The following NTM variants were observed in gnomAD, a reference collection of about 807,000 sequenced individuals.
The protein encoded by NTM is IgLON family member 2.
Under a neutral mutation model 42.1 loss-of-function variants are expected in NTM, and 13 were observed. The ratio of observed to expected loss-of-function variants is 0.31; its 90% CI spans 0.20 to 0.49. NTM has a LOEUF of 0.49. Among genes scored for constraint, NTM ranks in the 20% least tolerant of loss-of-function variants. The probability of loss-of-function intolerance (pLI) is 0.99; values close to 1 mark genes in which losing one functional copy is unlikely to be tolerated. For synonymous variants in NTM, 187 were observed against 179.2 expected, an observed-to-expected ratio of 1.04 and a Z score of -0.35; for missense variants, 373 against 452.8, an observed-to-expected ratio of 0.82 and a Z score of 1.60.
chr11:132,103,263 T>G (rs1241601633), intron 2 of NTM, among the ~76,000 whole-genome samples: 1 of 152,220 alleles, frequency 6.6e-6, no homozygotes, highest in African/African-American at 2.4e-5. Context: ...AATCAGGCCC[T>G]TCTACCATCT....
chr11:131,641,211 G>A (rs2065088812), intron 1 of NTM, among the ~76,000 whole-genome samples: 1 of 152,212 alleles, frequency 6.6e-6, no homozygotes, highest in African/African-American at 2.4e-5. Context: ...GAGGAGTTCT[G>A]TAAAATGGCA....
chr11:131,869,346 G>A (rs551512319), intron 1 of NTM, among the ~76,000 whole-genome samples: 1 of 152,322 alleles, frequency 6.6e-6, no homozygotes, highest in Admixed American at 6.5e-5. Flanking sequence ...GGCCCTGCCA[G>A]TCATTGTGTG....
intron 1 of NTM, among the ~76,000 whole-genome samples, chr11:131,609,158 C>A (rs137874011): frequency 6.6e-6 from 1 of 152,196 alleles, no homozygotes. Flanking sequence ...GGGCCCTGCA[C>A]GGCTCTCTGC....
At chr11:132,103,728 C>T (rs1182629859) in intron 2 of NTM, among the ~76,000 whole-genome samples, 2 of 152,164 alleles carry the variant, frequency 1.3e-5, no homozygotes, top group African/African-American at 2.4e-5. Context: ...TCAACTGTAC[C>T]ACTGAGTGGC....
intron 1 of NTM, among the ~76,000 whole-genome samples, chr11:131,613,416 G>C (rs745584641): frequency 2.0e-5 from 3 of 152,090 alleles, no homozygotes; most frequent in Non-Finnish European, 4.4e-5. Context: ...TCTTCCAGCT[G>C]GTGCAATGAG....
intron 2 of NTM, among the ~76,000 whole-genome samples, chr11:131,921,860 G>A (rs535288941): frequency 6.6e-6 from 1 of 151,512 alleles, no homozygotes; most frequent in Admixed American, 6.6e-5. Context: ...CAGTTATCTC[G>A]ACCACCTGAG....
At chr11:132,116,936 G>T (rs992177844) in intron 2 of NTM, among the ~76,000 whole-genome samples, 3 of 152,214 alleles carry the variant, frequency 2.0e-5, no homozygotes, top group Non-Finnish European at 2.9e-5. Context: ...TCGAAGAAAA[G>T]TAAGGGGGAA....
At chr11:131,939,938 A>T (rs772311833) in intron 2 of NTM, among the ~76,000 whole-genome samples, 1 of 152,166 alleles carries the variant, frequency 6.6e-6, no homozygotes, top group Non-Finnish European at 1.5e-5. Flanking sequence ...GTTTGATTTG[A>T]GGAAACCTCA....
intron 1 of NTM, among the ~76,000 whole-genome samples, chr11:131,601,087 A>T (rs796554127): frequency 3.9e-5 from 6 of 152,296 alleles, no homozygotes; most frequent in African/African-American, 1.4e-4. Context: ...TCAGTATTCA[A>T]ATTCTCCTAT....
chr11:132,126,357 T>G (rs1018037743), intron 2 of NTM, among the ~76,000 whole-genome samples: 3 of 152,144 alleles, frequency 2.0e-5, no homozygotes, highest in African/African-American at 7.2e-5. Flanking sequence ...AGTTATTTAT[T>G]ATGGGAGAGG....
chr11:131,660,994 A>G (rs1366478810), intron 1 of NTM: 32 of 1,304,446 alleles, frequency 2.5e-5, no homozygotes, highest in Non-Finnish European at 3.1e-5. Context: ...GGAAAAAAAA[A>G]TGAACGGAAA....
At chr11:131,389,323 G>A (rs1943728142) in intron 1 of NTM, among the ~76,000 whole-genome samples, 1 of 152,226 alleles carries the variant, frequency 6.6e-6, no homozygotes, top group African/African-American at 2.4e-5. Context: ...GCTTCCTAAT[G>A]AGATGGAGCT....
In NTM at chr11:132,070,534, G is replaced by A. The variant is rs190045596; in HGVS notation, c.168-75748G>A. 5.2e-4 allele frequency among the ~76,000 whole-genome samples: 62 copies of A among 119,658 alleles called. 7 individuals are homozygous for A. Among genetic ancestry groups the A allele is most frequent in the East Asian group, 2.3e-3 (9 of 3,980 alleles). The allele number at this position is 119,658 out of a possible 152,430, so 78.5% of individuals were successfully genotyped here. ...ACACGTCACACAGCCAAGTTAACACGTCAAACTGACCGTCACAGTTTAGTT... is the reference window on the plus strand; with the variant it reads ...ACACGTCACACAGCCAAGTTAACACATCAAACTGACCGTCACAGTTTAGTT... On this transcript the variant is annotated intron_variant, in intron 2 of 8. Coordinates refer to ENST00000683400, the MANE Select transcript of NTM (RefSeq NM_001352005.2).
chr11:132,027,633 A>G (rs2075362823), intron 2 of NTM, among the ~76,000 whole-genome samples: 1 of 152,070 alleles, frequency 6.6e-6, no homozygotes, highest in Non-Finnish European at 1.5e-5. Flanking sequence ...TTGCTTCTCT[A>G]TTGGTAAGCC....
At chr11:131,471,203 G>A (rs1013504521) in intron 1 of NTM, among the ~76,000 whole-genome samples, 1 of 152,184 alleles carries the variant, frequency 6.6e-6, no homozygotes, top group Admixed American at 6.5e-5. Flanking sequence ...CCACAAGAAT[G>A]TCTAATCCCC....
At chr11:132,120,061 C>T (rs1338305433) in intron 2 of NTM, among the ~76,000 whole-genome samples, 2 of 152,190 alleles carry the variant, frequency 1.3e-5, no homozygotes, top group South Asian at 2.1e-4. Flanking sequence ...TCAGGACCCC[C>T]GTCTGAGCCC....
chr11:132,134,331 AT>A (rs748595229), intron 2 of NTM, among the ~76,000 whole-genome samples: 1 of 151,706 alleles, frequency 6.6e-6, no homozygotes, highest in Admixed American at 6.6e-5. Context: ...TTATTTATTT[AT>A]TTTTTTATTT....
At chr11:132,268,260 A>G (rs1041530863) in intron 4 of NTM, among the ~76,000 whole-genome samples, 3 of 152,194 alleles carry the variant, frequency 2.0e-5, no homozygotes, top group African/African-American at 7.2e-5. Flanking sequence ...CTTAATAACT[A>G]CAATTTTTAA....
chr11:131,798,712 T>C (rs1022101383), intron 1 of NTM, among the ~76,000 whole-genome samples: 10 of 152,238 alleles, frequency 6.6e-5, no homozygotes, highest in South Asian at 4.1e-4. Context: ...TCAGCTATTA[T>C]ATAGACAGAA....
Sources: gnomAD v4.1 joint callset for allele counts (sites outside exome capture counted in the v4.1 genomes callset) on GRCh38, gnomAD v4.1.1 for gene constraint, MANE v1.5 for transcripts, NCBI Gene and HGNC (gene_info 2026-07-23, HGNC 2026-07-21) for gene names.